DPM1: variants seen among roughly 807,000 people sequenced by gnomAD.
The protein encoded by DPM1 is dolichol-phosphate mannosyltransferase subunit 1.
DPM1 carries 27 observed loss-of-function variants against 39.0 expected under a neutral mutation model. The ratio of observed to expected loss-of-function variants is 0.69; its 90% confidence interval spans 0.51 to 0.95. The LOEUF is 0.95. DPM1 is among the 40% of genes least tolerant of loss of function. The pLI is 0.00. For synonymous variants in DPM1, 124 were observed against 109.0 expected, an observed-to-expected ratio of 1.14 and a Z score of -0.86; for missense variants, 307 against 315.6, an observed-to-expected ratio of 0.97 and a Z score of 0.21.
intron 3 of DPM1, 121 bp downstream of exon 3, chr20:50,948,508 C>A: frequency 1.0e-6 from 1 of 971,026 alleles, no homozygotes; most frequent in East Asian, 2.4e-5. Flanking sequence ...TCATTAAGAT[C>A]ATTAAAAACC....
chr20:50,935,690 GGA>G (rs1424467586), intron 8 of DPM1, among the ~76,000 whole-genome samples: 1 of 152,098 alleles, frequency 6.6e-6, no homozygotes, highest in Non-Finnish European at 1.5e-5. Flanking sequence ...TATTAAATGA[GGA>G]GAGTCTTCCC....
intron 5 of DPM1, among the ~76,000 whole-genome samples, chr20:50,942,412 A>G (rs538617105): frequency 2.0e-5 from 3 of 152,082 alleles, no homozygotes; most frequent in East Asian, 3.9e-4. Flanking sequence ...AGGCTGAGGC[A>G]GAGAATCACT....
chr20:50,951,310 A>G (rs192841027), intron 2 of DPM1, among the ~76,000 whole-genome samples: 39 of 152,270 alleles, frequency 2.6e-4, no homozygotes, highest in African/African-American at 8.9e-4. Flanking sequence ...TGAGCTGGTG[A>G]CAAAAGATCG....
chr20:50,940,243 C>A (rs561547364), intron 7 of DPM1, among the ~76,000 whole-genome samples: 1 of 151,460 alleles, frequency 6.6e-6, no homozygotes. Context: ...GTTTGGGGGG[C>A]TTGGGGGTCA....
At chr20:50,936,283 A>G (rs768601788) in intron 7 of DPM1, 21 bp from the exon 8 acceptor site, 33 of 1,469,148 alleles carry the variant, frequency 2.2e-5, no homozygotes, top group Middle Eastern at 1.7e-4. Context: ...TTAAAAATAT[A>G]TATCAACTTC....
upstream of DPM1, chr20:50,958,558 C>G: frequency 6.2e-7 from 1 of 1,612,066 alleles, no homozygotes; most frequent in South Asian, 1.1e-5. Context: ...AGCGGAATTA[C>G]GTAATGTGGC....
intron 1 of DPM1, among the ~76,000 whole-genome samples, chr20:50,957,772 G>C (rs891459748): frequency 3.3e-5 from 5 of 152,196 alleles, no homozygotes; most frequent in African/African-American, 1.2e-4. Flanking sequence ...ATTTTTTGCA[G>C]TTTTTAAAAA....
intron 1 of DPM1, among the ~76,000 whole-genome samples, chr20:50,956,415 AAC>A (rs1986822996): frequency 6.6e-6 from 1 of 152,104 alleles, no homozygotes; most frequent in African/African-American, 2.4e-5. Flanking sequence ...CATCCTGGCT[AAC>A]ACAGTGAAAC....
chr20:50,948,714 G>A, intron 2 of DPM1, 52 bp from the exon 3 acceptor site: 1 of 1,532,306 alleles, frequency 6.5e-7, no homozygotes, highest in Non-Finnish European at 9.0e-7. Flanking sequence ...ATCTTATCAT[G>A]TTAAATTTTA....
intron 7 of DPM1, 22 bp from the exon 8 acceptor site, chr20:50,936,284 T>C (rs1429770142): frequency 1.4e-6 from 2 of 1,465,124 alleles, no homozygotes; most frequent in South Asian, 2.3e-5. Context: ...TAAAAATATA[T>C]ATCAACTTCT....
In DPM1 at chr20:50,958,462, C is replaced by T. The variant is rs769392251; in HGVS notation, c.62G>A (p.Ser21Asn). Reference sequence around the variant, plus strand: ...CACCGAATATTTGTTCTGTCGTGGACTGCGCACTTCCAGCTCCCGCCGAGA... The same window carrying T: ...CACCGAATATTTGTTCTGTCGTGGATTGCGCACTTCCAGCTCCCGCCGAGA... The part of the protein sequence containing the change: ...RRSRRELEVR[S>N]PRQNKYSVLL... Residue 21 changes from serine (S) to asparagine (N), a missense_variant, in exon 1 of 9, where the codon AGT becomes AAT. Around this residue, in one of 3 missense-constraint regions of DPM1, gnomAD observed 206 missense variants for 188.2 expected, o/e 1.09. Transcript: ENST00000371588. 6 of 1,613,764 alleles carry T rather than the reference C, an allele frequency of 3.7e-6. No individual in the cohort carries two copies. In the Admixed American group the frequency reaches 5.0e-5, roughly 13 times the overall value.
chr20:50,942,507 A>AC (rs1297849529), intron 5 of DPM1, among the ~76,000 whole-genome samples: 1 of 151,712 alleles, frequency 6.6e-6, no homozygotes, highest in Non-Finnish European at 1.5e-5. Flanking sequence ...CCATCTCAAA[A>AC]AAAAAAAAAA....
At chr20:50,956,816 T>C (rs1986846479) in intron 1 of DPM1, among the ~76,000 whole-genome samples, 1 of 152,134 alleles carries the variant, frequency 6.6e-6, no homozygotes, top group African/African-American at 2.4e-5. Context: ...TAAAAGCAAA[T>C]TACTGTCCCC....
intron 2 of DPM1, 119 bp downstream of exon 2, chr20:50,955,067 A>T: frequency 2.4e-6 from 2 of 847,816 alleles, no homozygotes; most frequent in Non-Finnish European, 3.8e-6. Flanking sequence ...CAAATGCGTA[A>T]GTTGCTCTTT....
At chr20:50,936,773 A>G (rs1011989778) in intron 7 of DPM1, among the ~76,000 whole-genome samples, 1 of 152,214 alleles carries the variant, frequency 6.6e-6, no homozygotes, top group Non-Finnish European at 1.5e-5. Flanking sequence ...CCCAGGATAA[A>G]CTAAGTTGCT....
intron 2 of DPM1, 43 bp downstream of exon 2, chr20:50,955,143 A>T (rs780353015): frequency 2.9e-6 from 4 of 1,393,852 alleles, no homozygotes; most frequent in Non-Finnish European, 4.1e-6. Flanking sequence ...TTTCCCCTAC[A>T]TAATCACAAT....
chr20:50,958,350 C>A lies in DPM1; in HGVS notation c.161+13G>T, dbSNP rs1477988667. 5.6e-6 allele frequency: 9 copies of A among 1,612,628 alleles called. No homozygotes were observed. Among genetic ancestry groups the A allele is most frequent in the Admixed American group, 1.7e-5 (1 of 60,016 alleles). On this transcript the variant is annotated intron_variant, in intron 1 of 8. Transcript: ENST00000371588. Reference sequence around the variant, plus strand: ...TCATCTCATTCTTCGGGGAGGGAGACCTGGTGCGCTACCTCTCGGAGAAGC... The same window carrying A: ...TCATCTCATTCTTCGGGGAGGGAGAACTGGTGCGCTACCTCTCGGAGAAGC...
chr20:50,936,222 A>G lies in DPM1; in HGVS notation c.604T>C (p.Cys202Arg). The G allele has an allele frequency of 6.2e-7, 1 of 1,613,096 alleles. No individual in the cohort carries two copies. Among genetic ancestry groups the G allele is most frequent in the South Asian group, 1.1e-5 (1 of 91,044 alleles). Residue 202 changes from cysteine to arginine, a missense_variant, in exon 8 of 9, where the codon TGT becomes CGT. Physicochemically the swap from Cys to Arg is radical, Grantham distance 180. This residue lies in a region of DPM1 where 31 missense variants were observed against 58.0 expected (regional missense o/e 0.53). Coordinates refer to ENST00000371588, the MANE Select transcript of DPM1 (RefSeq NM_003859.3). ...TGGAAGACGTAGCCTTTAGAAACAC[A>G]TTTTTCTATTAATTTCTCTAGAACT... The part of the protein sequence containing the change: ...KEVLEKLIEK[C>R]VSKGYVFQME...
intron 7 of DPM1, 45 bp from the exon 8 acceptor site, chr20:50,936,307 A>C: frequency 8.1e-7 from 1 of 1,242,018 alleles, no homozygotes. Context: ...ATAAATACAC[A>C]TGCCTATGTA....
Sources: allele counts gnomAD v4.1 joint callset (sites outside exome capture counted in the v4.1 genomes callset), GRCh38; gene constraint gnomAD v4.1.1; regional missense constraint gnomAD v4.1.1; transcripts MANE v1.5; gene names NCBI Gene and HGNC (gene_info 2026-07-23, HGNC 2026-07-21).